The following GPATCH11 variants were observed in gnomAD, a reference collection of about 807,000 sequenced individuals.
GPATCH11 encodes the protein G-patch domain containing 11.
A neutral mutation model predicts 44.8 loss-of-function variants in GPATCH11; 32 were observed. The observed-to-expected ratio is 0.71, with a 90% confidence interval of 0.54 to 0.96. The LOEUF (loss-of-function observed/expected upper bound fraction) is 0.96, where lower values mean the gene tolerates loss of function less well. GPATCH11 is among the 40% of genes least tolerant of loss of function. The pLI, the probability that GPATCH11 is intolerant of heterozygous loss-of-function variation, is 0.00. For missense variants in GPATCH11, 324 were observed against 303.1 expected (o/e 1.07, Z -0.51); for synonymous variants, 84 against 94.4 (o/e 0.89, Z 0.64).
chr2:37,089,968 A>T (rs907939458), intron 3 of GPATCH11, 102 bp downstream of exon 3: 6 of 824,942 alleles, frequency 7.3e-6, no homozygotes, highest in Middle Eastern at 3.6e-4. Context: ...CACAGAAATT[A>T]TAACAACTTA....
chr2:37,092,462 T>A (rs1044390331), intron 6 of GPATCH11, among the ~76,000 whole-genome samples: 2 of 141,248 alleles, frequency 1.4e-5, no homozygotes, highest in Non-Finnish European at 3.1e-5. Context: ...ATATATATTT[T>A]ATGTATTTAT....
At chr2:37,084,628 G>C in intron 1 of GPATCH11, 58 bp downstream of exon 1, 4 of 1,208,356 alleles carry the variant, frequency 3.3e-6, no homozygotes, top group Non-Finnish European at 4.1e-6. Flanking sequence ...AAAAGGCAGA[G>C]TGCGCTGGCC....
chr2:37,098,004 A>G lies in GPATCH11; in HGVS notation c.*1741A>G, dbSNP rs1036518220. 7 of 152,126 alleles carry G rather than the reference A, an allele frequency of 4.6e-5. No homozygotes were observed. The highest frequency in any genetic ancestry group is 1.4e-4 in the African/African-American group (6 of 41,428). The allele number at this position is 152,126 out of a possible 1,614,324, so 9.4% of individuals were successfully genotyped here. ...TTATATGTTTGGATGCTATTGTTTA[A>G]TATTTACTTTTTTGTTTTTAAAAAA... On this transcript the variant is annotated 3_prime_UTR_variant, in exon 9 of 9. Coordinates refer to ENST00000674370, the MANE Select transcript of GPATCH11 (RefSeq NM_174931.4).
chr2:37,090,952 A>G (rs1290046853), intron 4 of GPATCH11, among the ~76,000 whole-genome samples: 6 of 152,190 alleles, frequency 3.9e-5, no homozygotes, highest in Non-Finnish European at 8.8e-5. Flanking sequence ...ACAACCATTG[A>G]ATGTGCAATA....
At chr2:37,086,023 T>A (rs1673017688) in intron 1 of GPATCH11, among the ~76,000 whole-genome samples, 2 of 152,224 alleles carry the variant, frequency 1.3e-5, no homozygotes, top group Non-Finnish European at 2.9e-5. Context: ...GACCACTGAC[T>A]TCCTTCAAGT....
At chr2:37,086,323 C>T (rs754632309) in intron 1 of GPATCH11, among the ~76,000 whole-genome samples, 9 of 152,144 alleles carry the variant, frequency 5.9e-5, no homozygotes, top group Non-Finnish European at 1.0e-4. Context: ...GACTTGTTGA[C>T]ATAGGAAAAA....
intron 4 of GPATCH11, 119 bp from the exon 5 acceptor site, chr2:37,091,795 CAA>C (rs1673331402): frequency 2.4e-6 from 2 of 842,274 alleles, no homozygotes; most frequent in South Asian, 4.7e-5. Flanking sequence ...TTAGTGTACT[CAA>C]ATGATTTGTG....
At position 37,097,347 on chromosome 2, in the gene GPATCH11, T is replaced by G. The variant is rs1201824920; in HGVS notation, c.*1084T>G. The stretch of plus-strand genomic sequence containing the variant: ...TGAATACAGCTAAGGACATACCGTG[T>G]GGCATACTATGAGAGAGCTCCATCC... On this transcript the variant is annotated 3_prime_UTR_variant, in exon 9 of 9. Coordinates refer to ENST00000674370, the MANE Select transcript of GPATCH11 (RefSeq NM_174931.4). 1.3e-5 allele frequency: 2 copies of G among 152,214 alleles called. No individual in the cohort carries two copies. The highest frequency in any genetic ancestry group is 2.9e-5 in the Non-Finnish European group (2 of 68,032). 9.4% of individuals were successfully genotyped at this position (152,214 alleles called of 1,614,324 possible).
chr2:37,087,040 T>A (rs1325986711), intron 1 of GPATCH11, among the ~76,000 whole-genome samples: 1 of 152,180 alleles, frequency 6.6e-6, no homozygotes, highest in East Asian at 1.9e-4. Flanking sequence ...GATCCCTTCA[T>A]GGGGCCAAGA....
In GPATCH11 at chr2:37,099,073, CATTTACTTTTGTGTAT is replaced by C. The variant is rs1673750510; in HGVS notation, c.*2814_*2829del. On this transcript the variant is annotated 3_prime_UTR_variant, in exon 9 of 9. Coordinates refer to ENST00000674370, the MANE Select transcript of GPATCH11 (RefSeq NM_174931.4). ...AATGTAAAATTTAATGTCATGTTGT[CATTTACTTTTGTGTAT>C]ATTGTGCCATGTTTATTTTCAAAGT... 6.6e-6 allele frequency: 1 copy of C among 152,148 alleles called. No homozygotes were observed. The highest frequency in any genetic ancestry group is 1.5e-5 in the Non-Finnish European group (1 of 68,020). 9.4% of individuals were successfully genotyped at this position (152,148 alleles called of 1,614,324 possible).
chr2:37,088,213 T>C (rs1423505292), intron 1 of GPATCH11, among the ~76,000 whole-genome samples, 156 bp from the exon 2 acceptor site: 2 of 152,152 alleles, frequency 1.3e-5, no homozygotes, highest in Admixed American at 6.5e-5. Context: ...ATGAGTTGTT[T>C]AGATTGTTGA....
intron 1 of GPATCH11, 53 bp downstream of exon 1, chr2:37,084,623 G>A (rs1672882230): frequency 8.2e-7 from 1 of 1,213,694 alleles, no homozygotes; most frequent in African/African-American, 1.6e-5. Flanking sequence ...ATGATAAAAG[G>A]CAGAGTGCGC....
At chr2:37,085,910 G>A (rs568456946) in intron 1 of GPATCH11, among the ~76,000 whole-genome samples, 1 of 152,330 alleles carries the variant, frequency 6.6e-6, no homozygotes, top group South Asian at 2.1e-4. Flanking sequence ...TTCCAAGGTA[G>A]CTCACTCCTG....
Position 37,094,069 on chromosome 2 carries a change from T to A in GPATCH11, c.541-13T>A, listed in dbSNP as rs1201655061. ...TTTAGTATGTTTAATTGAGACTACT[T>A]CTGCATTTTCAGAATATTCAGGTTC... On this transcript the variant is annotated splice_polypyrimidine_tract_variant and intron_variant, in intron 6 of 8. Coordinates refer to ENST00000674370, the MANE Select transcript of GPATCH11 (RefSeq NM_174931.4). 10 of 1,474,208 alleles carry A rather than the reference T, an allele frequency of 6.8e-6. No homozygotes were observed. Among genetic ancestry groups the A allele is most frequent in the Admixed American group, 1.8e-5 (1 of 56,212 alleles). 91.3% of individuals were successfully genotyped at this position (1,474,208 alleles called of 1,614,324 possible).
intron 4 of GPATCH11, 100 bp from the exon 5 acceptor site, chr2:37,091,816 T>C: frequency 1.9e-6 from 2 of 1,064,258 alleles, no homozygotes; most frequent in African/African-American, 1.6e-5. Flanking sequence ...TGAGTGATAG[T>C]ACTCAAATGA....
chr2:37,087,440 C>T lies in GPATCH11; in HGVS notation c.-13-929C>T, dbSNP rs572928103. On this transcript the variant is annotated intron_variant, in intron 1 of 8. Transcript: ENST00000674370. ...AGAAATGCAGAACCTCAGGTTCCAG[C>T]CCCAGAATCAGATTCTGCATTTTAA... 5.9e-4 allele frequency among the ~76,000 whole-genome samples: 90 copies of T among 152,310 alleles called. 1 individual carries two copies. The highest frequency in any genetic ancestry group is 4.1e-3 in the Admixed American group (62 of 15,294).
rs149446111 is a variant in GPATCH11, at chr2:37,090,863, C to T, written c.328+141C>T. ...AAAATTTTGTTAAATTTCTAAACCT[C>T]TTCAACCAGAAAAGAAATAAGTTTT... On this transcript the variant is annotated intron_variant, in intron 4 of 8. Coordinates refer to ENST00000674370, the MANE Select transcript of GPATCH11 (RefSeq NM_174931.4). 3.4e-4 allele frequency: 187 copies of T among 548,464 alleles called. 2 individuals carry two copies. The Middle Eastern group carries it at 4.4e-3, about 13-fold the overall frequency. 34.0% of individuals were successfully genotyped at this position (548,464 alleles called of 1,614,324 possible).
rs1433442887 is a variant in GPATCH11 at position 37,092,010 on chromosome 2, T to C, written c.423T>C (p.Ala141=). The change falls in exon 5 of 9, where the codon GCT becomes GCC. Residue 141 remains alanine (A), a synonymous_variant. Transcript: ENST00000674370. ...AAAAGATTCACATGAAAAACCAAGC[T>C]GAAGAAAAAGCTGCAGAACAGTTTC... ...YRKKIHMKNQ[A]EEKAAEQFRM... is the part of the protein sequence containing the mutation. The C allele has an allele frequency of 6.2e-7, 1 of 1,613,110 alleles. No individual in the cohort carries two copies. Among genetic ancestry groups the C allele is most frequent in the Non-Finnish European group, 8.5e-7 (1 of 1,179,438 alleles).
rs1294391077 is a variant in GPATCH11, at chr2:37,085,511, T to A, written c.-14+941T>A. On this transcript the variant is annotated intron_variant, in intron 1 of 8. Transcript: ENST00000674370. ...TATAATAGTGCACGTTTTTAACTTA[T>A]AATAAAAATAGGTAAACTAAACTGT... Among the ~76,000 whole-genome samples, 6 of 152,216 alleles carry A rather than the reference T, an allele frequency of 3.9e-5. No individual in the cohort carries two copies. The South Asian group carries it at 1.2e-3, about 32-fold the overall frequency.
Sources: allele counts gnomAD v4.1 joint callset (sites outside exome capture counted in the v4.1 genomes callset), GRCh38; gene constraint gnomAD v4.1.1; transcripts MANE v1.5; gene names NCBI Gene and HGNC (gene_info 2026-07-23, HGNC 2026-07-21).